Variants in AUTS2 observed in about 807,000 individuals in gnomAD.
The protein encoded by AUTS2 is autism susceptibility gene 2 protein.
A neutral mutation model predicts 112.4 loss-of-function variants in AUTS2; 17 were observed. The ratio of observed to expected loss-of-function variants is 0.15; its 90% CI spans 0.10 to 0.23. The LOEUF is 0.23. Ranked by LOEUF, AUTS2 falls within the 10% of genes least tolerant of loss-of-function variation. The pLI, the probability that AUTS2 is intolerant of heterozygous loss-of-function variation, is 1.00. For synonymous variants in AUTS2, 751 were observed against 702.7 expected, an observed-to-expected ratio of 1.07 and a Z score of -1.09; for missense variants, 1,510 against 1,701.6, an observed-to-expected ratio of 0.89 and a Z score of 1.98.
rs192102002 is a variant in AUTS2 at position 69,910,211 on chromosome 7, G to A, written c.522+10713G>A. Among the ~76,000 whole-genome samples, 281 of 152,346 alleles carry A rather than the reference G, an allele frequency of 1.8e-3. 3 individuals are homozygous for A. The highest frequency in any genetic ancestry group is 6.6e-3 in the African/African-American group (275 of 41,568). ...TGTTTTTGAAGGGGAGTATATTGGTGTCATGGGATCCTTGGGATGTCATCT... is the reference window on the plus strand; with the variant it reads ...TGTTTTTGAAGGGGAGTATATTGGTATCATGGGATCCTTGGGATGTCATCT... On this transcript the variant is annotated intron_variant, in intron 2 of 18. Transcript: ENST00000342771.
chr7:70,756,192 G>T (rs2129556025), intron 6 of AUTS2, among the ~76,000 whole-genome samples: 1 of 152,160 alleles, frequency 6.6e-6, no homozygotes, highest in East Asian at 1.9e-4. Flanking sequence ...TTATTTAATG[G>T]CAATTTTGTC....
At chr7:70,317,918 G>A (rs1449657068) in intron 4 of AUTS2, among the ~76,000 whole-genome samples, 1 of 152,102 alleles carries the variant, frequency 6.6e-6, no homozygotes, top group Non-Finnish European at 1.5e-5. Flanking sequence ...GAATCATCAA[G>A]GTTGAACCAT....
intron 1 of AUTS2, among the ~76,000 whole-genome samples, chr7:69,707,060 C>T (rs182759941): frequency 2.6e-5 from 4 of 152,312 alleles, no homozygotes; most frequent in East Asian, 3.9e-4. Flanking sequence ...GTATAGAGAA[C>T]ACCTGAATTA....
chr7:69,817,848 A>G (rs752412586), intron 1 of AUTS2, among the ~76,000 whole-genome samples: 29 of 152,092 alleles, frequency 1.9e-4, no homozygotes, highest in Non-Finnish European at 3.4e-4. Context: ...GCTTATCCCC[A>G]CCCTCTGCAA....
intron 2 of AUTS2, among the ~76,000 whole-genome samples, chr7:69,967,242 T>C (rs1797668035): frequency 6.6e-6 from 1 of 152,168 alleles, no homozygotes; most frequent in Non-Finnish European, 1.5e-5. Flanking sequence ...ATCTGTGTCC[T>C]GAGGGGAGTG....
chr7:70,753,883 G>A (rs947045331), intron 6 of AUTS2, among the ~76,000 whole-genome samples: 27 of 152,208 alleles, frequency 1.8e-4, no homozygotes, highest in Non-Finnish European at 3.1e-4. Flanking sequence ...TTGGCCGGGC[G>A]TGGTGGCTCA....
Position 70,631,316 on chromosome 7 carries a change from G to A in AUTS2, c.691-67253G>A, listed in dbSNP as rs1312266450. ...GCTGGCCGGGCTGCTGGCTCGCCTT[G>A]AAGAGAACACCAGGGCAGGGGCTGG... On this transcript the variant is annotated intron_variant, in intron 5 of 18. Transcript: ENST00000342771. The surrounding 1 kb of genome is among the most constrained non-coding windows in gnomAD (Gnocchi z 4.5). Among the ~76,000 whole-genome samples, 1 of 152,182 alleles carries A rather than the reference G, an allele frequency of 6.6e-6. No homozygotes were observed. Among genetic ancestry groups the A allele is most frequent in the African/African-American group, 2.4e-5 (1 of 41,430 alleles).
At chr7:69,781,629 G>T (rs1054821530) in intron 1 of AUTS2, among the ~76,000 whole-genome samples, 1 of 152,234 alleles carries the variant, frequency 6.6e-6, no homozygotes, top group African/African-American at 2.4e-5. Context: ...GAATTGACAG[G>T]CATCTCTATT....
intron 6 of AUTS2, among the ~76,000 whole-genome samples, chr7:70,701,336 A>G (rs957234059): frequency 3.9e-5 from 6 of 152,226 alleles, no homozygotes; most frequent in East Asian, 1.9e-4. Context: ...CTCGAGGCCC[A>G]TCAGTCAGCT....
intron 1 of AUTS2, among the ~76,000 whole-genome samples, chr7:69,729,183 G>A (rs1447276335): frequency 2.6e-5 from 4 of 151,954 alleles, no homozygotes; most frequent in Non-Finnish European, 5.9e-5. Flanking sequence ...TCATTTATAG[G>A]ATATATATAC....
intron 1 of AUTS2, among the ~76,000 whole-genome samples, chr7:69,717,144 T>G (rs1200348642): frequency 6.6e-6 from 1 of 152,204 alleles, no homozygotes; most frequent in Non-Finnish European, 1.5e-5. Context: ...TTTCCAAAGT[T>G]TTTTTCTCCC....
At chr7:70,231,760 GTTT>G (rs1812066759) in intron 4 of AUTS2, among the ~76,000 whole-genome samples, 1 of 1,076 alleles carries the variant, frequency 9.3e-4, no homozygotes, top group Non-Finnish European at 2.3e-3. Context: ...AGGTTTTTTT[GTTT>G]GTTTGTTTGT....
chr7:70,330,798 T>G (rs1197400296), intron 4 of AUTS2, among the ~76,000 whole-genome samples: 14 of 152,222 alleles, frequency 9.2e-5, no homozygotes, highest in Non-Finnish European at 1.9e-4. Flanking sequence ...TAAAATTTCT[T>G]TTAGTAATGT....
intron 4 of AUTS2, among the ~76,000 whole-genome samples, chr7:70,412,192 G>A (rs957323971): frequency 6.6e-6 from 1 of 151,990 alleles, no homozygotes; most frequent in Non-Finnish European, 1.5e-5. Flanking sequence ...ACCATGCCCC[G>A]CCAAACTCTT....
chr7:70,203,406 T>A (rs1584870712), intron 4 of AUTS2, among the ~76,000 whole-genome samples: 1 of 150,338 alleles, frequency 6.7e-6, no homozygotes. Context: ...GACATTGTAC[T>A]TTTCATTAAC....
chr7:70,439,394 C>T (rs555284009), intron 5 of AUTS2, among the ~76,000 whole-genome samples: 1 of 152,172 alleles, frequency 6.6e-6, no homozygotes, highest in East Asian at 1.9e-4. Flanking sequence ...AAAAAATTAG[C>T]CGGGCGTGGT....
At chr7:70,440,211 G>T (rs1721590605) in intron 5 of AUTS2, among the ~76,000 whole-genome samples, 1 of 142,822 alleles carries the variant, frequency 7.0e-6, no homozygotes, top group Non-Finnish European at 1.5e-5. Flanking sequence ...GGGCAACATA[G>T]TGAGGCCCTG....
intron 6 of AUTS2, among the ~76,000 whole-genome samples, chr7:70,730,225 T>G (rs200557583): frequency 2.8e-5 from 4 of 142,374 alleles, no homozygotes; most frequent in Admixed American, 2.2e-4. Flanking sequence ...CAGTTTTTTT[T>G]TTTGTTTTTT....
intron 2 of AUTS2, among the ~76,000 whole-genome samples, chr7:70,045,633 G>A (rs1316604309): frequency 1.3e-5 from 2 of 150,912 alleles, no homozygotes; most frequent in Admixed American, 6.6e-5. Flanking sequence ...TTTCAAGATG[G>A]AGTCTTGCTC....
Sources: gnomAD v4.1 joint callset for allele counts (sites outside exome capture counted in the v4.1 genomes callset) on GRCh38, gnomAD v4.1.1 for gene constraint, Gnocchi (gnomAD v3.1) non-coding constraint, MANE v1.5 for transcripts, NCBI Gene and HGNC (gene_info 2026-07-23, HGNC 2026-07-21) for gene names.